PRDM10: variants seen among roughly 807,000 people sequenced by gnomAD.
PRDM10 encodes the protein PR domain zinc finger protein 10.
PRDM10 carries 65 observed loss-of-function variants against 133.1 expected under a neutral mutation model. That is an observed-to-expected ratio of 0.49 (90% CI 0.40 to 0.60). The LOEUF (loss-of-function observed/expected upper bound fraction) is 0.60. PRDM10 is among the 20% of genes least tolerant of loss of function. The pLI is 0.00. For missense variants in PRDM10, 1,137 were observed against 1,507.1 expected (o/e 0.75, Z 4.07); for synonymous variants, 582 against 580.4 (o/e 1.00, Z -0.04).
chr11:129,905,655 C>T lies in PRDM10; in HGVS notation c.3250G>A (p.Val1084Met), dbSNP rs759738279. ...GVATPVTTGQ[V>M]KAVTSGHYVL... The stretch of plus-strand genomic sequence containing the variant: ...TAGCTTACCGAAGTAACCGCCTTCA[C>T]CTGGCCAGTAGTAACTGGAGTTGCC... Residue 1084 changes from valine to methionine, a missense_variant, in exon 20 of 21, where the codon GTG (valine) becomes ATG (methionine). Val to Met is a conservative substitution (Grantham distance 21). Transcript: ENST00000360871. 3 of 1,614,024 alleles carry T rather than the reference C, an allele frequency of 1.9e-6. No individual in the cohort carries two copies. The highest frequency in any genetic ancestry group is 2.2e-5 in the East Asian group (1 of 44,902).
intron 5 of PRDM10, among the ~76,000 whole-genome samples, chr11:129,946,674 C>T (rs1203779230): frequency 2.0e-5 from 3 of 152,152 alleles, no homozygotes; most frequent in Non-Finnish European, 4.4e-5. Context: ...CATGGTAGGG[C>T]CATGGAGGGC....
At position 129,901,455 on chromosome 11, in the gene PRDM10, C is replaced by A. The variant is rs1277599285; in HGVS notation, c.*858G>T. 3 of 129,088 alleles carry A rather than the reference C, an allele frequency of 2.3e-5. No homozygotes were observed. The highest frequency in any genetic ancestry group is 7.6e-5 in the African/African-American group (3 of 39,350). 8.0% of individuals were successfully genotyped at this position (129,088 alleles called of 1,614,324 possible). The stretch of plus-strand genomic sequence containing the variant: ...AGGCAGAACAAAATTTCAATACTTT[C>A]TCTCTCTCTCTCTCAATAGTTTTGG... On this transcript the variant is annotated 3_prime_UTR_variant, in exon 21 of 21. Coordinates refer to ENST00000360871, the MANE Select transcript of PRDM10 (RefSeq NM_199437.2).
intron 7 of PRDM10, among the ~76,000 whole-genome samples, chr11:129,941,752 A>C (rs955239010): frequency 6.6e-6 from 1 of 152,234 alleles, no homozygotes; most frequent in Non-Finnish European, 1.5e-5. Flanking sequence ...ATTTTGCCCA[A>C]CTGTAGGTTA....
chr11:129,998,193 AT>A (rs762983189), intron 1 of PRDM10, among the ~76,000 whole-genome samples: 6 of 152,220 alleles, frequency 3.9e-5, no homozygotes, highest in Non-Finnish European at 7.3e-5. Flanking sequence ...TTTCTACTAA[AT>A]CTCAAAATCT....
intron 9 of PRDM10, among the ~76,000 whole-genome samples, chr11:129,934,255 C>T (rs183350368): frequency 6.6e-6 from 1 of 152,368 alleles, no homozygotes; most frequent in East Asian, 1.9e-4. Context: ...ACTTTCATTT[C>T]ATAACCATGA....
chr11:129,971,828 G>C (rs945941096), intron 1 of PRDM10, among the ~76,000 whole-genome samples: 7 of 152,240 alleles, frequency 4.6e-5, no homozygotes, highest in Admixed American at 4.6e-4. Context: ...CGTGCCGTGC[G>C]CTCGCATTCC....
intron 10 of PRDM10, among the ~76,000 whole-genome samples, chr11:129,931,658 C>G (rs552853068): frequency 1.3e-4 from 19 of 151,926 alleles, no homozygotes; most frequent in South Asian, 4.2e-4. Flanking sequence ...AGCTCCGCCT[C>G]CCGGTTCACG....
chr11:129,962,805 A>G (rs1468909434), intron 1 of PRDM10, among the ~76,000 whole-genome samples: 4 of 152,186 alleles, frequency 2.6e-5, no homozygotes, highest in African/African-American at 9.7e-5. Context: ...TTCCTATGGT[A>G]TATAAACTAT....
chr11:129,958,708 C>T (rs1951742785), intron 2 of PRDM10, among the ~76,000 whole-genome samples: 1 of 152,164 alleles, frequency 6.6e-6, no homozygotes, highest in Non-Finnish European at 1.5e-5. Flanking sequence ...ACACAAAGGA[C>T]ATACTGGAGG....
At chr11:129,954,110 C>CA (rs1269922747) in intron 4 of PRDM10, among the ~76,000 whole-genome samples, 1 of 150,724 alleles carries the variant, frequency 6.6e-6, no homozygotes, top group Non-Finnish European at 1.5e-5. Context: ...CCAACTTATA[C>CA]AAAAAAGGCT....
chr11:129,931,568 T>TTA (rs1565472649), intron 10 of PRDM10, among the ~76,000 whole-genome samples: 2 of 122,690 alleles, frequency 1.6e-5, no homozygotes, highest in East Asian at 2.9e-4. Context: ...TTTATTTTAT[T>TTA]TTATTTTATT....
rs771736931 is a variant in PRDM10, at chr11:129,957,864, G to T, written c.116C>A (p.Thr39Asn). The change falls in exon 3 of 21, where the codon ACC becomes AAC. Residue 39 changes from threonine to asparagine, a missense_variant. By Grantham distance (65) the Thr-to-Asn change is moderately conservative (BLOSUM62 0). Around this residue, in one of 6 missense-constraint regions of PRDM10, gnomAD observed 635 missense variants for 835.2 expected, o/e 0.76. Transcript: ENST00000360871. ...CTGTGGGGGGCGAACCTGGTCATCG[G>T]TATAGACAATCTGAGCCACTGTTCC... ...DTGTVAQIVY[T>N]DDQVRPPQQV... 3.7e-6 allele frequency: 6 copies of T among 1,613,960 alleles called. No individual in the cohort carries two copies. The South Asian group carries it at 6.6e-5, about 18-fold the overall frequency.
Position 129,923,173 on chromosome 11 carries a change from A to G in PRDM10, c.2034+75T>C. On this transcript the variant is annotated intron_variant, in intron 13 of 20. Transcript: ENST00000360871. This position sits in a 1 kb window ranked among gnomAD's most constrained non-coding sequence, Gnocchi z 4.4. Reference sequence around the variant, plus strand: ...GGTGGGTGATAAACTGATGAAATGAACAGGCATTTACCCTCAGCTTGCTAT... The same window carrying G: ...GGTGGGTGATAAACTGATGAAATGAGCAGGCATTTACCCTCAGCTTGCTAT... 6.9e-7 allele frequency: 1 copy of G among 1,442,344 alleles called. No individual in the cohort carries two copies. Among genetic ancestry groups the G allele is most frequent in the Non-Finnish European group, 9.2e-7 (1 of 1,083,954 alleles). 89.3% of individuals were successfully genotyped at this position (1,442,344 alleles called of 1,614,324 possible).
At chr11:129,978,308 C>T (rs1289017433) in intron 1 of PRDM10, among the ~76,000 whole-genome samples, 3 of 152,052 alleles carry the variant, frequency 2.0e-5, no homozygotes, top group Non-Finnish European at 2.9e-5. Context: ...GAGTTTATGC[C>T]ACTGGGAAAA....
At chr11:129,996,078 ACTGCATT>A (rs1939051092) in intron 1 of PRDM10, among the ~76,000 whole-genome samples, 1 of 152,248 alleles carries the variant, frequency 6.6e-6, no homozygotes, top group Admixed American at 6.5e-5. Flanking sequence ...ACTCATTTAT[ACTGCATT>A]CTACGTGAGG....
At chr11:129,985,780 C>CAAAAAAAAA (rs1159728991) in intron 1 of PRDM10, among the ~76,000 whole-genome samples, 1 of 26,756 alleles carries the variant, frequency 3.7e-5, no homozygotes, top group African/African-American at 9.3e-5. Context: ...AAACCCTGTC[C>CAAAAAAAAA]AAAAAAAAAA....
rs1323199009 is a variant in PRDM10, at chr11:129,923,050, A to C, written c.2034+198T>G. Among the ~76,000 whole-genome samples the C allele has an allele frequency of 6.6e-6, 1 of 152,214 alleles. No homozygotes were observed. Among genetic ancestry groups the C allele is most frequent in the Non-Finnish European group, 1.5e-5 (1 of 68,040 alleles). ...TTTACTCTACTTGTTTGGGGATTTG[A>C]ATTAACTATTTTGAGGAAATGAGTA... On this transcript the variant is annotated intron_variant, in intron 13 of 20. Coordinates refer to ENST00000360871, the MANE Select transcript of PRDM10 (RefSeq NM_199437.2). The surrounding 1 kb of genome is among the most constrained non-coding windows in gnomAD (Gnocchi z 4.4).
chr11:129,993,172 A>G (rs1938842046), intron 1 of PRDM10, among the ~76,000 whole-genome samples: 2 of 152,162 alleles, frequency 1.3e-5, no homozygotes, highest in African/African-American at 4.8e-5. Context: ...TGAAATGTGC[A>G]TTTCCTTCAT....
chr11:129,943,810 T>A (rs1951296421), intron 6 of PRDM10, among the ~76,000 whole-genome samples: 1 of 151,902 alleles, frequency 6.6e-6, no homozygotes, highest in African/African-American at 2.4e-5. Flanking sequence ...CTGGCTAACA[T>A]GGTGAAACCT....
Sources: gnomAD v4.1 joint callset for allele counts (sites outside exome capture counted in the v4.1 genomes callset) on GRCh38, gnomAD v4.1.1 for gene constraint, gnomAD v4.1.1 regional missense constraint, Gnocchi (gnomAD v3.1) non-coding constraint, MANE v1.5 for transcripts, NCBI Gene and HGNC (gene_info 2026-07-23, HGNC 2026-07-21) for gene names.